Variants in NAPA observed in about 807,000 individuals in gnomAD.
NAPA encodes NSF attachment protein alpha, also known as alpha-soluble NSF attachment protein.
Under a neutral mutation model 48.0 loss-of-function variants are expected in NAPA, and 18 were observed. The ratio of observed to expected loss-of-function variants is 0.38; its 90% CI spans 0.26 to 0.56. NAPA has a LOEUF of 0.56. Among genes scored for constraint, NAPA ranks in the 20% least tolerant of loss-of-function variants. NAPA has a pLI of 0.77. For synonymous variants in NAPA, 152 were observed against 149.9 expected (o/e 1.01, Z -0.10); for missense variants, 315 against 385.0 (o/e 0.82, Z 1.52).
At chr19:47,498,718 C>T (rs1473354664) in intron 3 of NAPA, among the ~76,000 whole-genome samples, 1 of 152,218 alleles carries the variant, frequency 6.6e-6, no homozygotes, top group Admixed American at 6.5e-5. Flanking sequence ...TGCACCTGGC[C>T]TTGTGTGAGG....
chr19:47,497,077 G>A (rs995276972), intron 3 of NAPA: 8 of 267,190 alleles, frequency 3.0e-5, no homozygotes, highest in Admixed American at 1.8e-4. Flanking sequence ...TGTAATCGGC[G>A]GACCCAGAAG....
chr19:47,493,713 G>C lies in NAPA; in HGVS notation c.343-220C>G, dbSNP rs941973234. ...GCTATGCGTGCTGGGCTGAGCGGGT[G>C]ATGTTGGACAAGCCACTCCAGGGCC... On this transcript the variant is annotated intron_variant, in intron 4 of 10. Coordinates refer to ENST00000263354, the MANE Select transcript of NAPA (RefSeq NM_003827.4). This position sits in a 1 kb window ranked among gnomAD's most constrained non-coding sequence, Gnocchi z 6.4. 1 of 563,812 alleles carries C rather than the reference G, an allele frequency of 1.8e-6. No individual in the cohort carries two copies. Among genetic ancestry groups the C allele is most frequent in the Non-Finnish European group, 3.2e-6 (1 of 312,354 alleles). The allele number at this position is 563,812 out of a possible 1,614,324, so 34.9% of individuals were successfully genotyped here.
At chr19:47,509,260 G>C (rs1315875142) in intron 1 of NAPA, among the ~76,000 whole-genome samples, 1 of 149,196 alleles carries the variant, frequency 6.7e-6, no homozygotes, top group East Asian at 2.0e-4. Context: ...ACCCAGGAAT[G>C]GGAATTCTAG....
At chr19:47,491,137 G>T (rs1968255257) in intron 8 of NAPA, 1 of 387,182 alleles carries the variant, frequency 2.6e-6, no homozygotes, top group Non-Finnish European at 4.8e-6. Context: ...CTCAGCTGGG[G>T]CAGGGGACAA....
intron 1 of NAPA, among the ~76,000 whole-genome samples, chr19:47,514,422 C>T (rs1968865463): frequency 6.6e-6 from 1 of 152,086 alleles, no homozygotes; most frequent in Non-Finnish European, 1.5e-5. Context: ...AACAGACTCC[C>T]CTAGAGCTCC....
intron 7 of NAPA, 39 bp from the exon 8 acceptor site, chr19:47,492,158 A>T (rs1299282465): frequency 1.3e-6 from 2 of 1,576,708 alleles, no homozygotes; most frequent in Non-Finnish European, 1.7e-6. Flanking sequence ...AGCTCAGGGC[A>T]AGCAGCCAGA....
downstream of NAPA, among the ~76,000 whole-genome samples, chr19:47,487,138 C>T (rs1599884719): frequency 1.3e-5 from 2 of 152,204 alleles, no homozygotes; most frequent in South Asian, 4.1e-4. Context: ...ATCTCCTCCC[C>T]CACTCCCCAG....
In NAPA at chr19:47,500,955, G is replaced by A. The variant is rs148669849; in HGVS notation, c.179-206C>T. ...TGCGCTCAGGTCTGCTGGCTCCTGC[G>A]CTGAGGCTCCTGGTGGCCCACCTGA... On this transcript the variant is annotated intron_variant, in intron 2 of 10. Coordinates refer to ENST00000263354, the MANE Select transcript of NAPA (RefSeq NM_003827.4). 9.9e-3 allele frequency among the ~76,000 whole-genome samples: 1,501 copies of A among 152,262 alleles called. 37 individuals carry two copies. Among genetic ancestry groups the A allele is most frequent in the African/African-American group, 0.034 (1,412 of 41,532 alleles).
chr19:47,505,037 T>C (rs1235912500), intron 1 of NAPA, among the ~76,000 whole-genome samples: 3 of 152,140 alleles, frequency 2.0e-5, no homozygotes, highest in African/African-American at 7.2e-5. Context: ...GGGGACCTCA[T>C]TAGTACCTCA....
chr19:47,503,527 G>C, intron 1 of NAPA, 25 bp from the exon 2 acceptor site: 1 of 1,605,618 alleles, frequency 6.2e-7, no homozygotes, highest in Non-Finnish European at 8.5e-7. Context: ...AAGAAAAAAA[G>C]GAGACAATCT....
intron 1 of NAPA, among the ~76,000 whole-genome samples, chr19:47,514,138 C>T (rs1389883506): frequency 6.6e-6 from 1 of 151,976 alleles, no homozygotes. Context: ...AGTCTTGACT[C>T]CATCATCCCG....
At position 47,493,642 on chromosome 19, in the gene NAPA, G is replaced by C; in HGVS notation, c.343-149C>G. 1 of 685,916 alleles carries C rather than the reference G, an allele frequency of 1.5e-6. No homozygotes were observed. Among genetic ancestry groups the C allele is most frequent in the Non-Finnish European group, 2.6e-6 (1 of 383,202 alleles). The allele number at this position is 685,916 out of a possible 1,614,324, so 42.5% of individuals were successfully genotyped here. A position where few individuals can be genotyped will look rare whatever the true frequency, so the allele number is the denominator to read the frequency against. ...GAGGTGTGAAGAAGATCGAGAGGTG[G>C]GGGAACACAGGAGTGAGAAGGGAGG... is the stretch of plus-strand genomic sequence containing the variant. On this transcript the variant is annotated intron_variant, in intron 4 of 10. Transcript: ENST00000263354. The surrounding 1 kb of genome is among the most constrained non-coding windows in gnomAD (Gnocchi z 6.4).
intron 9 of NAPA, among the ~76,000 whole-genome samples, chr19:47,490,329 C>T (rs973895299): frequency 6.0e-5 from 7 of 116,032 alleles, no homozygotes; most frequent in South Asian, 2.9e-4. Flanking sequence ...AGTGTGTGTG[C>T]GATATGTGTG....
At position 47,495,305 on chromosome 19, in the gene NAPA, G is replaced by C. The variant is rs1968391750; in HGVS notation, c.342+245C>G. On this transcript the variant is annotated intron_variant, in intron 4 of 10. Transcript: ENST00000263354. ...CACCCTGCCCAGCTCAATAACCTAA[G>C]TTCTATGAATGAAAACCATGACTGC... The C allele has an allele frequency of 5.2e-5, 30 of 574,838 alleles. No individual in the cohort carries two copies. In the South Asian group the frequency reaches 6.1e-4, roughly 12 times the overall value. 35.6% of individuals were successfully genotyped at this position (574,838 alleles called of 1,614,324 possible).
chr19:47,514,726 C>A (rs765710035), intron 1 of NAPA, 117 bp downstream of exon 1: 10 of 930,980 alleles, frequency 1.1e-5, no homozygotes, highest in Non-Finnish European at 1.3e-5. Context: ...CACCTTATTG[C>A]AGGTTCCTCT....
intron 1 of NAPA, among the ~76,000 whole-genome samples, chr19:47,505,128 G>C (rs1457591927): frequency 1.3e-5 from 2 of 152,242 alleles, no homozygotes; most frequent in East Asian, 3.9e-4. Flanking sequence ...CTCTGTAACT[G>C]CTCAAACTCC....
chr19:47,500,767 G>A lies in NAPA; in HGVS notation c.179-18C>T. ...TCCAGCAGCTGGAACAGAAGAGAAG[G>A]GCAGTCCTGGCCTCAGTGGGGCTCC... is the stretch of plus-strand genomic sequence containing the variant. On this transcript the variant is annotated intron_variant, in intron 2 of 10. Coordinates refer to ENST00000263354, the MANE Select transcript of NAPA (RefSeq NM_003827.4). 3.8e-6 allele frequency: 6 copies of A among 1,581,554 alleles called. No individual in the cohort carries two copies. Among genetic ancestry groups the A allele is most frequent in the Non-Finnish European group, 5.2e-6 (6 of 1,159,936 alleles).
chr19:47,505,997 T>C (rs564224654), intron 1 of NAPA, among the ~76,000 whole-genome samples: 138 of 147,274 alleles, frequency 9.4e-4, no homozygotes, highest in African/African-American at 2.8e-3. Flanking sequence ...GTGACTTCTT[T>C]TTTTTTTTTT....
At chr19:47,498,548 C>T (rs867998637) in intron 3 of NAPA, among the ~76,000 whole-genome samples, 8 of 152,220 alleles carry the variant, frequency 5.3e-5, no homozygotes, top group Admixed American at 2.0e-4. Context: ...CCACCACCTG[C>T]GCTGCTGAGC....
Sources: gnomAD v4.1 joint callset for allele counts (sites outside exome capture counted in the v4.1 genomes callset) on GRCh38, gnomAD v4.1.1 for gene constraint, Gnocchi (gnomAD v3.1) non-coding constraint, MANE v1.5 for transcripts, NCBI Gene and HGNC (gene_info 2026-07-23, HGNC 2026-07-21) for gene names.